Variants in MSH3 observed in about 807,000 individuals in gnomAD.
The protein encoded by MSH3 is mutS homolog 3.
In MSH3, 106 loss-of-function variants were observed where a neutral mutation model predicts 123.3. The ratio of observed to expected loss-of-function variants is 0.86; its 90% CI spans 0.73 to 1.01. The LOEUF (loss-of-function observed/expected upper bound fraction) is 1.01. MSH3 is among the 50% of genes least tolerant of loss of function. The probability of loss-of-function intolerance (pLI) is 0.00; values close to 1 mark genes in which losing one functional copy is unlikely to be tolerated. For missense variants in MSH3, 1,459 were observed against 1,347.6 expected, an observed-to-expected ratio of 1.08 and a Z score of -1.29; for synonymous variants, 515 against 481.4, an observed-to-expected ratio of 1.07 and a Z score of -0.91.
chr5:80,756,903 CAGG>C (rs958802504), intron 12 of MSH3, among the ~76,000 whole-genome samples: 1 of 152,104 alleles, frequency 6.6e-6, no homozygotes, highest in African/African-American at 2.4e-5. Context: ...ATGTTTCTGA[CAGG>C]AGATTATTTA....
intron 8 of MSH3, among the ~76,000 whole-genome samples, chr5:80,718,806 G>T (rs73121683): frequency 0.027 from 4,133 of 152,080 alleles, 173 homozygotes; most frequent in African/African-American, 0.093. Context: ...GAACCCAAGG[G>T]CCTAATGTAT....
intron 20 of MSH3, among the ~76,000 whole-genome samples, chr5:80,832,110 A>G (rs533962253): frequency 1.1e-5 from 1 of 87,352 alleles, no homozygotes; most frequent in East Asian, 5.0e-4. Flanking sequence ...ACTCCTTCTC[A>G]AAAAACAAAA....
At chr5:80,840,157 G>A (rs910100535) in intron 20 of MSH3, among the ~76,000 whole-genome samples, 2 of 152,072 alleles carry the variant, frequency 1.3e-5, no homozygotes, top group South Asian at 2.1e-4. Flanking sequence ...TATCTCTTGT[G>A]CTTTTTCATA....
intron 22 of MSH3, among the ~76,000 whole-genome samples, chr5:80,868,805 G>A (rs1746149435): frequency 6.6e-6 from 1 of 151,380 alleles, no homozygotes; most frequent in Admixed American, 6.6e-5. Flanking sequence ...TAGCTTCCAT[G>A]TTCGAATTTA....
At chr5:80,824,761 T>C (rs1047015644) in intron 20 of MSH3, among the ~76,000 whole-genome samples, 2 of 152,206 alleles carry the variant, frequency 1.3e-5, no homozygotes, top group African/African-American at 4.8e-5. Flanking sequence ...AGCATTACTA[T>C]TGTATAACTT....
chr5:80,698,253 C>G (rs1270114056), intron 8 of MSH3, among the ~76,000 whole-genome samples: 1 of 152,192 alleles, frequency 6.6e-6, no homozygotes, highest in African/African-American at 2.4e-5. Context: ...GTTGTTGATA[C>G]ATCTTCTAAG....
At chr5:80,772,889 C>T (rs1212285777) in intron 15 of MSH3, among the ~76,000 whole-genome samples, 1 of 152,168 alleles carries the variant, frequency 6.6e-6, no homozygotes, top group East Asian at 1.9e-4. Flanking sequence ...AGTCCAAGGA[C>T]CAGACCCTGT....
intron 11 of MSH3, 65 bp downstream of exon 11, chr5:80,741,613 C>T: frequency 8.7e-7 from 1 of 1,150,446 alleles, no homozygotes; most frequent in Non-Finnish European, 1.3e-6. Context: ...AGTAAGGCAG[C>T]AGTCTGTTTT....
intron 20 of MSH3, among the ~76,000 whole-genome samples, chr5:80,823,543 G>C (rs2112068815): frequency 6.6e-6 from 1 of 152,132 alleles, no homozygotes; most frequent in South Asian, 2.1e-4. Context: ...GTCTGGGAGA[G>C]AATACAAGAT....
chr5:80,830,250 T>G (rs1257012562), intron 20 of MSH3, among the ~76,000 whole-genome samples: 1 of 152,236 alleles, frequency 6.6e-6, no homozygotes, highest in Admixed American at 6.5e-5. Flanking sequence ...ATCTCATCAT[T>G]TATTGTCTTC....
At chr5:80,818,540 A>G (rs144940163) in intron 20 of MSH3, among the ~76,000 whole-genome samples, 72 of 151,944 alleles carry the variant, frequency 4.7e-4, no homozygotes, top group Admixed American at 7.9e-4. Flanking sequence ...CTTTTTTTTT[A>G]AAGCACTAGT....
chr5:80,673,294 T>G (rs1465248269), intron 6 of MSH3, among the ~76,000 whole-genome samples: 1 of 152,106 alleles, frequency 6.6e-6, no homozygotes, highest in African/African-American at 2.4e-5. Context: ...TTTGGGAGAC[T>G]GAAGTGGGCA....
At chr5:80,774,890 A>G (rs941760951) in intron 15 of MSH3, among the ~76,000 whole-genome samples, 1 of 152,206 alleles carries the variant, frequency 6.6e-6, no homozygotes, top group Admixed American at 6.5e-5. Flanking sequence ...AATAAAACCT[A>G]GTATTGATAA....
At chr5:80,852,190 G>A (rs1258500800) in intron 20 of MSH3, among the ~76,000 whole-genome samples, 2 of 152,164 alleles carry the variant, frequency 1.3e-5, no homozygotes, top group Non-Finnish European at 2.9e-5. Context: ...GCTTGGTGTG[G>A]TGGCATGCGC....
Position 80,744,536 on chromosome 5 carries a change from T to A in MSH3, c.1684T>A (p.Trp562Arg). ...TDMKTKGSLLWVLDHTKTSFG... is the reference protein window; with the variant it reads ...TDMKTKGSLLRVLDHTKTSFG... ...TATGAAAACCAAAGGAAGTTTGCTGTGGGTTTTAGACCACACTAAAACTTC... is the reference window on the plus strand; with the variant it reads ...TATGAAAACCAAAGGAAGTTTGCTGAGGGTTTTAGACCACACTAAAACTTC... Residue 562 changes from tryptophan (W) to arginine (R), a missense_variant, in exon 12 of 24, where the codon TGG becomes AGG. Coordinates refer to ENST00000265081, the MANE Select transcript of MSH3 (RefSeq NM_002439.5). 6.2e-7 allele frequency: 1 copy of A among 1,613,862 alleles called. No individual in the cohort carries two copies. The highest frequency in any genetic ancestry group is 8.5e-7 in the Non-Finnish European group (1 of 1,179,894).
At chr5:80,875,430 C>A (rs1746291279) in intron 23 of MSH3, among the ~76,000 whole-genome samples, 1 of 152,108 alleles carries the variant, frequency 6.6e-6, no homozygotes, top group African/African-American at 2.4e-5. Context: ...TTTCTTTTCT[C>A]CAGGTACAAA....
intron 20 of MSH3, among the ~76,000 whole-genome samples, chr5:80,817,022 A>C (rs1745113592): frequency 6.6e-6 from 1 of 152,198 alleles, no homozygotes; most frequent in Non-Finnish European, 1.5e-5. Flanking sequence ...ATTTTTGTGT[A>C]CGTGATTGGG....
Position 80,819,420 on chromosome 5 carries a change from A to G in MSH3, c.2813+5679A>G, listed in dbSNP as rs1431285520. Among the ~76,000 whole-genome samples, 7 of 145,742 alleles carry G rather than the reference A, an allele frequency of 4.8e-5. No homozygotes were observed. The South Asian group carries it at 1.3e-3, about 27-fold the overall frequency. ...TGTGTATATATGTGTGTATATATGT[A>G]TATATGTGTGTGTATATATATGTAT... On this transcript the variant is annotated intron_variant, in intron 20 of 23. Transcript: ENST00000265081.
At chr5:80,799,182 A>G (rs765101417) in intron 19 of MSH3, among the ~76,000 whole-genome samples, 7 of 152,054 alleles carry the variant, frequency 4.6e-5, no homozygotes, top group Non-Finnish European at 8.8e-5. Flanking sequence ...GGCAGGATCC[A>G]GGTGTTGGAG....
Sources: allele counts gnomAD v4.1 joint callset (sites outside exome capture counted in the v4.1 genomes callset), GRCh38; gene constraint gnomAD v4.1.1; transcripts MANE v1.5; gene names NCBI Gene and HGNC (gene_info 2026-07-23, HGNC 2026-07-21).